Variants in STXBP5L observed in about 807,000 individuals in gnomAD.
STXBP5L encodes the protein syntaxin binding protein 5L, also known as syntaxin-binding protein 5-like.
Under a neutral mutation model 144.5 loss-of-function variants are expected in STXBP5L, and 65 were observed. That is an observed-to-expected ratio of 0.45 (90% CI 0.37 to 0.55). The LOEUF (loss-of-function observed/expected upper bound fraction) is 0.55, where lower values mean the gene tolerates loss of function less well. STXBP5L is among the 20% of genes least tolerant of loss of function. STXBP5L has a pLI of 0.00. For missense variants in STXBP5L, 1,298 were observed against 1,405.5 expected (o/e 0.92, Z 1.22); for synonymous variants, 505 against 469.6 (o/e 1.08, Z -0.97).
intron 3 of STXBP5L, among the ~76,000 whole-genome samples, chr3:120,961,608 CT>C (rs371426377): frequency 6.6e-6 from 1 of 152,230 alleles, no homozygotes; most frequent in East Asian, 1.9e-4. Flanking sequence ...AGAACTCATC[CT>C]TTTTTATGGC....
chr3:121,189,737 G>GT (rs200089880), intron 9 of STXBP5L, among the ~76,000 whole-genome samples: 1,591 of 151,822 alleles, frequency 0.01, 16 homozygotes, highest in Non-Finnish European at 0.015. Flanking sequence ...CTTTAAAATA[G>GT]TTTTTTTTGT....
chr3:121,314,949 C>A (rs1490316616), intron 19 of STXBP5L, among the ~76,000 whole-genome samples: 1 of 152,100 alleles, frequency 6.6e-6, no homozygotes, highest in African/African-American at 2.4e-5. Context: ...CATCTCACAC[C>A]CGTTAGAATG....
At chr3:121,186,648 T>C (rs1047372021) in intron 9 of STXBP5L, among the ~76,000 whole-genome samples, 2 of 152,224 alleles carry the variant, frequency 1.3e-5, no homozygotes, top group Non-Finnish European at 1.5e-5. Flanking sequence ...TGAAGCCCAC[T>C]TGATCATGGT....
chr3:120,949,801 A>T (rs1711081504), intron 2 of STXBP5L, among the ~76,000 whole-genome samples: 1 of 152,070 alleles, frequency 6.6e-6, no homozygotes. Context: ...TACCAGTACC[A>T]TGCTGTTTTG....
At chr3:120,979,876 C>T (rs1576557116) in intron 3 of STXBP5L, among the ~76,000 whole-genome samples, 1 of 152,282 alleles carries the variant, frequency 6.6e-6, no homozygotes, top group Admixed American at 6.5e-5. Flanking sequence ...AAGCTTCCCT[C>T]TTAGCATTTC....
At chr3:121,085,642 A>G (rs567899857) in intron 5 of STXBP5L, among the ~76,000 whole-genome samples, 1 of 152,266 alleles carries the variant, frequency 6.6e-6, no homozygotes, top group South Asian at 2.1e-4. Context: ...GCACTTCAAG[A>G]ACTACAAACC....
intron 9 of STXBP5L, among the ~76,000 whole-genome samples, chr3:121,197,645 C>T (rs2047973017): frequency 6.6e-6 from 1 of 152,068 alleles, no homozygotes; most frequent in African/African-American, 2.4e-5. Flanking sequence ...TTAATACTCT[C>T]CCTCCCCATC....
intron 20 of STXBP5L, among the ~76,000 whole-genome samples, chr3:121,334,861 A>G (rs2044449708): frequency 6.6e-6 from 1 of 152,204 alleles, no homozygotes; most frequent in African/African-American, 2.4e-5. Flanking sequence ...CATCATACTG[A>G]ATGGGCAAAA....
chr3:121,226,587 G>A lies in STXBP5L; in HGVS notation c.1111+3430G>A, dbSNP rs560415600. Among the ~76,000 whole-genome samples the A allele has an allele frequency of 5.3e-5, 8 of 152,190 alleles. No homozygotes were observed. In the East Asian group the frequency reaches 5.8e-4, roughly 11 times the overall value. ...AAAGGGGAAATCCCCTGAATGTCCC[G>A]AGAGCATCCCTAGTCTGGACTGGGG... On this transcript the variant is annotated intron_variant, in intron 11 of 26. Coordinates refer to ENST00000471454, the MANE Select transcript of STXBP5L (RefSeq NM_001308330.2).
chr3:121,338,248 A>G (rs1469747798), intron 20 of STXBP5L, among the ~76,000 whole-genome samples: 1 of 152,150 alleles, frequency 6.6e-6, no homozygotes, highest in African/African-American at 2.4e-5. Flanking sequence ...AAATAATACA[A>G]TAGATCAACA....
chr3:121,290,903 G>T (rs2051415172), intron 19 of STXBP5L, among the ~76,000 whole-genome samples: 1 of 151,888 alleles, frequency 6.6e-6, no homozygotes, highest in South Asian at 2.1e-4. Flanking sequence ...AACAACTAAG[G>T]GTAATAAAAG....
chr3:120,991,241 C>T (rs1235310457), intron 3 of STXBP5L, among the ~76,000 whole-genome samples: 1 of 151,720 alleles, frequency 6.6e-6, no homozygotes, highest in Admixed American at 6.6e-5. Context: ...TGCTCATCAT[C>T]ACTGGCCATC....
chr3:121,205,718 A>G (rs912549690), intron 9 of STXBP5L, among the ~76,000 whole-genome samples: 1 of 152,212 alleles, frequency 6.6e-6, no homozygotes, highest in Non-Finnish European at 1.5e-5. Flanking sequence ...TATGAATTAT[A>G]TAGCAGACAA....
At chr3:121,029,034 A>C (rs1946171086) in intron 3 of STXBP5L, among the ~76,000 whole-genome samples, 1 of 152,204 alleles carries the variant, frequency 6.6e-6, no homozygotes, top group African/African-American at 2.4e-5. Context: ...AAGAGAGGAC[A>C]CAAACAAATG....
At chr3:121,111,047 T>G (rs1454590355) in intron 5 of STXBP5L, among the ~76,000 whole-genome samples, 1 of 152,218 alleles carries the variant, frequency 6.6e-6, no homozygotes, top group Non-Finnish European at 1.5e-5. Context: ...TAATTGTGGG[T>G]GCATTGTGAA....
At chr3:121,084,944 T>C (rs535193789) in intron 5 of STXBP5L, among the ~76,000 whole-genome samples, 15 of 152,322 alleles carry the variant, frequency 9.8e-5, no homozygotes, top group African/African-American at 3.6e-4. Context: ...CTAATTTTAA[T>C]TTGCATTTCT....
intron 14 of STXBP5L, among the ~76,000 whole-genome samples, chr3:121,241,410 C>T (rs901183664): frequency 6.8e-5 from 10 of 146,512 alleles, no homozygotes; most frequent in African/African-American, 1.8e-4. Flanking sequence ...CACACACACA[C>T]GCACACACCT....
rs1489841631 is a variant in STXBP5L at position 120,962,626 on chromosome 3, A to G, written c.287+7589A>G. ...ATTTCTGAGGGCTCTGTTCTGTTCC[A>G]TTGATCTATATCTCTGTTTTGGTAC... On this transcript the variant is annotated intron_variant, in intron 3 of 26. Coordinates refer to ENST00000471454, the MANE Select transcript of STXBP5L (RefSeq NM_001308330.2). Among the ~76,000 whole-genome samples, 3 of 152,068 alleles carry G rather than the reference A, an allele frequency of 2.0e-5. 1 individual carries two copies. Among genetic ancestry groups the G allele is most frequent in the Admixed American group, 2.0e-4 (3 of 15,264 alleles).
chr3:121,042,282 C>A (rs1419348458), intron 4 of STXBP5L, among the ~76,000 whole-genome samples: 1 of 152,084 alleles, frequency 6.6e-6, no homozygotes, highest in Non-Finnish European at 1.5e-5. Context: ...TGGAAATTAG[C>A]TTTCTACTGT....
Sources: gnomAD v4.1 joint callset for allele counts (sites outside exome capture counted in the v4.1 genomes callset) on GRCh38, gnomAD v4.1.1 for gene constraint, MANE v1.5 for transcripts, NCBI Gene and HGNC (gene_info 2026-07-23, HGNC 2026-07-21) for gene names.